MIPOL1: variants seen among roughly 807,000 people sequenced by gnomAD.
MIPOL1 encodes the protein mirror-image polydactyly gene 1 protein.
A neutral mutation model predicts 60.9 loss-of-function variants in MIPOL1; 57 were observed. The observed-to-expected ratio is 0.94, with a 90% confidence interval of 0.76 to 1.17. The LOEUF is 1.17. Ranked by LOEUF, MIPOL1 falls within the 50% of genes most tolerant of loss-of-function variation. The pLI, the probability that MIPOL1 is intolerant of heterozygous loss-of-function variation, is 0.00. For synonymous variants in MIPOL1, 179 were observed against 168.8 expected, an observed-to-expected ratio of 1.06 and a Z score of -0.47; for missense variants, 551 against 511.6, an observed-to-expected ratio of 1.08 and a Z score of -0.74.
chr14:37,292,643 G>T (rs1254085427), intron 7 of MIPOL1, among the ~76,000 whole-genome samples: 1 of 151,716 alleles, frequency 6.6e-6, no homozygotes, highest in Non-Finnish European at 1.5e-5. Flanking sequence ...ACCAGCCCCG[G>T]CTAATTTTTG....
chr14:37,514,856 C>T (rs982774910), intron 12 of MIPOL1, among the ~76,000 whole-genome samples: 1 of 152,050 alleles, frequency 6.6e-6, no homozygotes, highest in Admixed American at 6.6e-5. Flanking sequence ...AATCTTATTT[C>T]ACAGTTGTGC....
At chr14:37,431,276 T>G (rs1298872923) in intron 11 of MIPOL1, among the ~76,000 whole-genome samples, 1 of 152,172 alleles carries the variant, frequency 6.6e-6, no homozygotes, top group Non-Finnish European at 1.5e-5. Flanking sequence ...ATTCATCGCT[T>G]TCTTAAATTT....
chr14:37,476,710 A>C (rs531617237), intron 11 of MIPOL1, among the ~76,000 whole-genome samples: 1 of 151,988 alleles, frequency 6.6e-6, no homozygotes, highest in Admixed American at 6.6e-5. Flanking sequence ...TCTTTAGACT[A>C]TTTTGTGATG....
At chr14:37,274,342 A>G (rs2083495030) in intron 6 of MIPOL1, among the ~76,000 whole-genome samples, 1 of 151,340 alleles carries the variant, frequency 6.6e-6, no homozygotes, top group Non-Finnish European at 1.5e-5. Flanking sequence ...TCTGTCCCCT[A>G]TCATGTTAAA....
At chr14:37,361,440 C>T (rs1490072716) in intron 9 of MIPOL1, among the ~76,000 whole-genome samples, 1 of 151,928 alleles carries the variant, frequency 6.6e-6, no homozygotes, top group Non-Finnish European at 1.5e-5. Flanking sequence ...TTAAGGTCTC[C>T]CATTACTACT....
rs778188043 is a variant in MIPOL1, at chr14:37,247,839, T to C, written c.-50T>C. 6.2e-7 allele frequency: 1 copy of C among 1,608,578 alleles called. No homozygotes were observed. The highest frequency in any genetic ancestry group is 1.7e-5 in the Admixed American group (1 of 59,528). Reference sequence around the variant, plus strand: ...TTGGCTTTATTTTAGCTGCAAATCTTGGAGCAAAAACCAGAGACATTGCCA... The same window carrying C: ...TTGGCTTTATTTTAGCTGCAAATCTCGGAGCAAAAACCAGAGACATTGCCA... On this transcript the variant is annotated 5_prime_UTR_variant, in exon 3 of 13. Coordinates refer to ENST00000684589, the MANE Select transcript of MIPOL1 (RefSeq NM_001388067.1).
intron 9 of MIPOL1, among the ~76,000 whole-genome samples, chr14:37,364,390 A>G (rs952098629): frequency 6.6e-6 from 1 of 152,086 alleles, no homozygotes; most frequent in Non-Finnish European, 1.5e-5. Context: ...ATCCATTTTG[A>G]TTTGATTTTT....
intron 1 of MIPOL1, among the ~76,000 whole-genome samples, chr14:37,235,080 T>C (rs1340919153): frequency 3.9e-5 from 6 of 151,990 alleles, no homozygotes; most frequent in Non-Finnish European, 8.8e-5. Flanking sequence ...CGTGAGCCAT[T>C]GTGCCCAGCC....
chr14:37,243,832 C>A (rs959946660), intron 1 of MIPOL1, among the ~76,000 whole-genome samples: 8 of 152,096 alleles, frequency 5.3e-5, no homozygotes, highest in African/African-American at 1.9e-4. Flanking sequence ...GAATTACTTA[C>A]AATTTTTTAG....
At position 37,455,172 on chromosome 14, in the gene MIPOL1, A is replaced by G. The variant is rs113590146; in HGVS notation, c.1031+32223A>G. On this transcript the variant is annotated intron_variant, in intron 11 of 12. Transcript: ENST00000684589. ...ATGGAAGGCAGCAATGTCCTTTTTA[A>G]AACTGCTCTTTCTTCTGAATTACTA... Among the ~76,000 whole-genome samples, 469 of 152,316 alleles carry G rather than the reference A, an allele frequency of 3.1e-3. 4 individuals are homozygous for G. The highest frequency in any genetic ancestry group is 0.031 in the Middle Eastern group (9 of 294).
chr14:37,393,862 C>G (rs553288675), intron 10 of MIPOL1, among the ~76,000 whole-genome samples: 1 of 150,304 alleles, frequency 6.7e-6, no homozygotes, highest in East Asian at 2.0e-4. Flanking sequence ...CACCCCTCCT[C>G]CCAAGTCCCC....
chr14:37,346,232 G>A (rs1567567359), intron 9 of MIPOL1, among the ~76,000 whole-genome samples: 1 of 152,180 alleles, frequency 6.6e-6, no homozygotes, highest in South Asian at 2.1e-4. Context: ...AGGGAGCTGA[G>A]GCAGGAGAAT....
Position 37,548,515 on chromosome 14 carries a change from T to C in MIPOL1, c.*1544T>C, listed in dbSNP as rs1369681803. 1 of 152,024 alleles carries C rather than the reference T, an allele frequency of 6.6e-6. No homozygotes were observed. The highest frequency in any genetic ancestry group is 2.4e-5 in the African/African-American group (1 of 41,456). The allele number at this position is 152,024 out of a possible 1,614,324, so 9.4% of individuals were successfully genotyped here. On this transcript the variant is annotated 3_prime_UTR_variant, in exon 13 of 13. Transcript: ENST00000684589. ...AGAATTATATCCTCTCATAGACCAA[T>C]GACTCTATAATAGAGAAATATGTAA...
intron 10 of MIPOL1, among the ~76,000 whole-genome samples, chr14:37,399,097 C>T (rs2093432701): frequency 6.6e-6 from 1 of 152,162 alleles, no homozygotes; most frequent in East Asian, 1.9e-4. Flanking sequence ...CAACGCATCT[C>T]TTATCAAAAT....
At chr14:37,480,462 C>A (rs2094845369) in intron 11 of MIPOL1, among the ~76,000 whole-genome samples, 1 of 151,464 alleles carries the variant, frequency 6.6e-6, no homozygotes, top group African/African-American at 2.4e-5. Context: ...GTGGTTATCT[C>A]ATTAGATGCA....
At position 37,244,104 on chromosome 14, in the gene MIPOL1, C is replaced by CTTTTTTTTTTTTTTTTTTT. The variant is rs143933758; in HGVS notation, c.-198-2985_-198-2967dup. 5.8e-5 allele frequency among the ~76,000 whole-genome samples: 3 copies of CTTTTTTTTTTTTTTTTTTT among 51,590 alleles called. 1 individual carries two copies. The highest frequency in any genetic ancestry group is 1.0e-4 in the Non-Finnish European group (3 of 29,554). 33.8% of individuals were successfully genotyped at this position (51,590 alleles called of 152,430 possible). ...TTTTCTTCCATGTAAGACTCACTTCCTTTTTTTTTTTTTTTTTTTTTTTTT... is the reference window on the plus strand; with the variant it reads ...TTTTCTTCCATGTAAGACTCACTTCCTTTTTTTTTTTTTTTTTTTTTTTTTTTTTTTTTTTTTTTTTTTT... On this transcript the variant is annotated intron_variant, in intron 1 of 12. Transcript: ENST00000684589.
intron 5 of MIPOL1, among the ~76,000 whole-genome samples, chr14:37,269,083 A>G (rs1050761349): frequency 1.3e-5 from 2 of 151,406 alleles, no homozygotes; most frequent in African/African-American, 4.9e-5. Flanking sequence ...TTTTAGTAAA[A>G]CTCTGCTTCA....
chr14:37,353,643 A>ATGTG (rs2091577074), intron 9 of MIPOL1, among the ~76,000 whole-genome samples: 1 of 151,148 alleles, frequency 6.6e-6, no homozygotes, highest in Admixed American at 6.6e-5. Context: ...GGGAGAGTGT[A>ATGTG]TGTGTCCAGG....
At chr14:37,434,255 G>T (rs2094126327) in intron 11 of MIPOL1, among the ~76,000 whole-genome samples, 1 of 152,088 alleles carries the variant, frequency 6.6e-6, no homozygotes, top group Non-Finnish European at 1.5e-5. Flanking sequence ...TCTGACTGTG[G>T]TTTTGATTTG....
Sources: allele counts gnomAD v4.1 joint callset (sites outside exome capture counted in the v4.1 genomes callset), GRCh38; gene constraint gnomAD v4.1.1; transcripts MANE v1.5; gene names NCBI Gene and HGNC (gene_info 2026-07-23, HGNC 2026-07-21).